Variants in AGBL1 observed in about 807,000 individuals in gnomAD.
AGBL1 encodes cytosolic carboxypeptidase 4.
AGBL1 carries 130 observed loss-of-function variants against 118.9 expected under a neutral mutation model. That is an observed-to-expected ratio of 1.09 (90% CI 0.95 to 1.26). AGBL1 has a LOEUF of 1.26. Among genes scored for constraint, AGBL1 ranks in the 50% most tolerant of loss-of-function variants. The pLI, the probability that AGBL1 is intolerant of heterozygous loss-of-function variation, is 0.00. For missense variants in AGBL1, 1,584 were observed against 1,298.1 expected, an observed-to-expected ratio of 1.22 and a Z score of -3.38; for synonymous variants, 555 against 478.9, an observed-to-expected ratio of 1.16 and a Z score of -2.08.
chr15:86,750,986 C>T (rs1212926753), intron 22 of AGBL1, among the ~76,000 whole-genome samples: 3 of 152,010 alleles, frequency 2.0e-5, no homozygotes, highest in East Asian at 1.9e-4. Context: ...TTTTTTGTGG[C>T]TGCATAGCAT....
In AGBL1 at chr15:86,142,035, T is replaced by C; in HGVS notation, c.83T>C (p.Ile28Thr). 6.5e-7 allele frequency: 1 copy of C among 1,550,246 alleles called. No homozygotes were observed. ...TCTGACAAGGAGTCCATCCTGACCA[T>C]CCTCAAGGTCCTCGGAGATCTGCTT... is the stretch of plus-strand genomic sequence containing the variant. ...SSSDKESILT[I>T]LKVLGDLLSV... The change falls in exon 2 of 23, where the codon ATC (isoleucine) becomes ACC (threonine). Residue 28 changes from isoleucine (I) to threonine (T), a missense_variant. Ile to Thr is a moderately conservative substitution (Grantham distance 89). Coordinates refer to ENST00000614907, the MANE Select transcript of AGBL1 (RefSeq NM_001386094.1).
intron 17 of AGBL1, among the ~76,000 whole-genome samples, chr15:86,359,044 A>G (rs375993842): frequency 1.3e-5 from 2 of 151,032 alleles, no homozygotes; most frequent in Non-Finnish European, 3.0e-5. Flanking sequence ...CTACTTGTCT[A>G]TTTTCGCTTT....
intron 22 of AGBL1, among the ~76,000 whole-genome samples, chr15:86,730,624 C>T (rs1324457625): frequency 6.6e-6 from 1 of 152,090 alleles, no homozygotes; most frequent in Non-Finnish European, 1.5e-5. Context: ...GTAGCCTTGA[C>T]TATGTGTCCC....
At chr15:86,865,684 C>T (rs897606878) in intron 22 of AGBL1, among the ~76,000 whole-genome samples, 2 of 152,218 alleles carry the variant, frequency 1.3e-5, no homozygotes, top group Admixed American at 1.3e-4. Flanking sequence ...TCCACTAACA[C>T]CTGATGTCAC....
intron 18 of AGBL1, among the ~76,000 whole-genome samples, chr15:86,456,432 A>G (rs2082258766): frequency 6.6e-6 from 1 of 152,226 alleles, no homozygotes; most frequent in Non-Finnish European, 1.5e-5. Flanking sequence ...ATGGCCAGAA[A>G]GTCATTAGCA....
exon 25 of AGBL1, chr15:87,028,998 C>T: frequency 1.5e-6 from 1 of 687,340 alleles, no homozygotes; most frequent in East Asian, 2.8e-5. Context: ...GTATATCTAC[C>T]TCCATAAGAA....
intron 5 of AGBL1, among the ~76,000 whole-genome samples, chr15:86,191,348 CAAAAAAAA>C (rs869108108): frequency 2.8e-4 from 18 of 65,116 alleles, no homozygotes; most frequent in Admixed American, 4.0e-4. Context: ...AACTTTGTCT[CAAAAAAAA>C]AAAAAAAAAA....
At chr15:86,784,807 A>G (rs1423193998) in intron 22 of AGBL1, among the ~76,000 whole-genome samples, 1 of 152,164 alleles carries the variant, frequency 6.6e-6, no homozygotes, top group East Asian at 1.9e-4. Flanking sequence ...CCTACAAGGC[A>G]TTAGGTTCTT....
chr15:86,315,458 G>A (rs2079988132), intron 17 of AGBL1, among the ~76,000 whole-genome samples: 1 of 152,030 alleles, frequency 6.6e-6, no homozygotes, highest in African/African-American at 2.4e-5. Context: ...GGCTCACACT[G>A]GTAATCCCAG....
chr15:86,378,246 C>T (rs562995031), intron 17 of AGBL1, among the ~76,000 whole-genome samples: 2 of 152,340 alleles, frequency 1.3e-5, no homozygotes, highest in East Asian at 3.9e-4. Context: ...GTCTGCCCCA[C>T]TCAGGCAAAC....
At chr15:86,267,561 C>T (rs1434329049) in intron 13 of AGBL1, among the ~76,000 whole-genome samples, 1 of 151,976 alleles carries the variant, frequency 6.6e-6, no homozygotes, top group Non-Finnish European at 1.5e-5. Flanking sequence ...GAAAGGTGAA[C>T]CATCCTGCAT....
chr15:86,149,104 C>A (rs2077071710), intron 3 of AGBL1, among the ~76,000 whole-genome samples: 1 of 152,160 alleles, frequency 6.6e-6, no homozygotes, highest in Admixed American at 6.6e-5. Context: ...ACCAGGCCTG[C>A]CTTACAAGAG....
intron 22 of AGBL1, among the ~76,000 whole-genome samples, chr15:86,784,228 G>T (rs967563171): frequency 6.6e-6 from 1 of 152,164 alleles, no homozygotes; most frequent in African/African-American, 2.4e-5. Flanking sequence ...TATTAATAAT[G>T]ATATTAATAA....
chr15:86,776,750 A>ATGTG (rs10570012), intron 22 of AGBL1, among the ~76,000 whole-genome samples: 355 of 139,720 alleles, frequency 2.5e-3, no homozygotes, highest in Non-Finnish European at 3.7e-3. Context: ...ATATATATAT[A>ATGTG]TGTGTGTGTG....
chr15:86,357,339 A>G (rs1000693277), intron 17 of AGBL1, among the ~76,000 whole-genome samples: 1 of 152,226 alleles, frequency 6.6e-6, no homozygotes, highest in African/African-American at 2.4e-5. Flanking sequence ...TAATTAAGTC[A>G]AAACTGAATG....
intron 1 of AGBL1, among the ~76,000 whole-genome samples, chr15:86,141,318 C>G (rs748916383): frequency 6.6e-6 from 1 of 152,194 alleles, no homozygotes; most frequent in Non-Finnish European, 1.5e-5. Flanking sequence ...GTCTTTTCGT[C>G]AGAACATTTT....
chr15:86,129,367 G>A (rs762356217), intron 1 of AGBL1, among the ~76,000 whole-genome samples: 43 of 152,290 alleles, frequency 2.8e-4, no homozygotes, highest in Admixed American at 5.2e-4. Context: ...TGGAAGGTAG[G>A]CAATTGTCTT....
At chr15:86,975,959 CTG>C (rs1014233625) in intron 23 of AGBL1, among the ~76,000 whole-genome samples, 6 of 152,084 alleles carry the variant, frequency 3.9e-5, no homozygotes, top group Non-Finnish European at 8.8e-5. Flanking sequence ...ACCTAATAAA[CTG>C]TCTGCAGCTG....
chr15:86,302,302 A>T (rs1338022730), intron 17 of AGBL1, among the ~76,000 whole-genome samples: 7 of 152,150 alleles, frequency 4.6e-5, no homozygotes, highest in African/African-American at 7.2e-5. Flanking sequence ...TTATCTTATG[A>T]ATTAAGAAAG....
Sources: allele counts gnomAD v4.1 joint callset (sites outside exome capture counted in the v4.1 genomes callset), GRCh38; gene constraint gnomAD v4.1.1; transcripts MANE v1.5; gene names NCBI Gene and HGNC (gene_info 2026-07-23, HGNC 2026-07-21).